Variants in LRPAP1 observed in about 807,000 individuals in gnomAD.
LRPAP1 encodes LDL receptor related protein associated protein 1, also known as alpha-2-macroglobulin receptor-associated protein.
LRPAP1 carries 41 observed loss-of-function variants against 39.9 expected under a neutral mutation model. The observed-to-expected ratio is 1.03, with a 90% confidence interval of 0.80 to 1.33. The LOEUF is 1.33. LRPAP1 is among the 40% of genes most tolerant of loss of function. The pLI is 0.00. For missense variants in LRPAP1, 565 were observed against 482.3 expected, an observed-to-expected ratio of 1.17 and a Z score of -1.61; for synonymous variants, 263 against 212.7, an observed-to-expected ratio of 1.24 and a Z score of -2.06.
At position 3,522,641 on chromosome 4, in the gene LRPAP1, C is replaced by T. The variant is rs544097471; in HGVS notation, c.349+2266G>A. Among the ~76,000 whole-genome samples, 107 of 124,474 alleles carry T rather than the reference C, an allele frequency of 8.6e-4. 8 individuals are homozygous for T. The highest frequency in any genetic ancestry group is 3.2e-3 in the African/African-American group (105 of 32,714). 81.7% of individuals were successfully genotyped at this position (124,474 alleles called of 152,430 possible). On this transcript the variant is annotated intron_variant, in intron 2 of 7. Coordinates refer to ENST00000650182, the MANE Select transcript of LRPAP1 (RefSeq NM_002337.4). ...TGGGGAGGACAGACGCCGCCCCACA[C>T]CCCCTGCCTGGGGAGGACGGACGCC...
intron 2 of LRPAP1, among the ~76,000 whole-genome samples, chr4:3,520,762 A>C (rs890269224): frequency 9.9e-5 from 15 of 152,248 alleles, no homozygotes; most frequent in Non-Finnish European, 7.3e-5. Context: ...AGCTTCTAAC[A>C]AAAAGTTACT....
intron 6 of LRPAP1, among the ~76,000 whole-genome samples, chr4:3,515,707 C>T (rs899904502): frequency 6.6e-4 from 101 of 152,264 alleles, no homozygotes; most frequent in African/African-American, 2.3e-3. Flanking sequence ...GCCCCAGGAG[C>T]CCCTGCCACC....
At chr4:3,519,130 C>A in intron 3 of LRPAP1, 139 bp from the exon 4 acceptor site, 2 of 1,414,202 alleles carry the variant, frequency 1.4e-6, no homozygotes, top group South Asian at 1.5e-5. Flanking sequence ...TCACGAAGGG[C>A]AGGAAAACAA....
At chr4:3,518,747 C>A (rs1185089824) in intron 4 of LRPAP1, 124 bp downstream of exon 4, 5 of 651,736 alleles carry the variant, frequency 7.7e-6, no homozygotes, top group Non-Finnish European at 1.3e-5. Context: ...CGCCTCCCTG[C>A]CCCTGCTGTG....
At chr4:3,515,575 G>T (rs978535961) in intron 6 of LRPAP1, among the ~76,000 whole-genome samples, 2 of 152,116 alleles carry the variant, frequency 1.3e-5, no homozygotes, top group South Asian at 2.1e-4. Flanking sequence ...ACTCATGGCC[G>T]GATACCATAC....
chr4:3,525,320 G>A (rs1461672646), intron 1 of LRPAP1, among the ~76,000 whole-genome samples: 2 of 152,146 alleles, frequency 1.3e-5, no homozygotes, highest in African/African-American at 2.4e-5. Flanking sequence ...ATTCCTGTCC[G>A]GCTGTAACAG....
intron 5 of LRPAP1, chr4:3,517,822 G>A (rs2108689467): frequency 3.9e-6 from 2 of 512,256 alleles, no homozygotes; most frequent in East Asian, 7.0e-5. Flanking sequence ...CTAGTCTCCA[G>A]GTACAAGGCT....
At position 3,506,791 on chromosome 4, in the gene LRPAP1, G is replaced by C. The variant is rs752861878; in HGVS notation, c.*6183C>G. ...ACGGAAAAATAAAAAATAAAAATTAGATTTCATCAAACTGGAAACCTTTGC... is the reference window on the plus strand; with the variant it reads ...ACGGAAAAATAAAAAATAAAAATTACATTTCATCAAACTGGAAACCTTTGC... On this transcript the variant is annotated 3_prime_UTR_variant, in exon 8 of 8. Coordinates refer to ENST00000650182, the MANE Select transcript of LRPAP1 (RefSeq NM_002337.4). 1.6e-4 allele frequency: 25 copies of C among 152,208 alleles called. No individual in the cohort carries two copies. Among genetic ancestry groups the C allele is most frequent in the Non-Finnish European group, 2.9e-4 (20 of 68,044 alleles). The allele number at this position is 152,208 out of a possible 1,614,324, so 9.4% of individuals were successfully genotyped here.
At chr4:3,518,339 C>T (rs969271111) in intron 4 of LRPAP1, 147 bp from the exon 5 acceptor site, 17 of 857,420 alleles carry the variant, frequency 2.0e-5, no homozygotes, top group Non-Finnish European at 2.4e-5. Context: ...CCTGCAGCGC[C>T]GCAGAAACGA....
intron 1 of LRPAP1, 97 bp downstream of exon 1, chr4:3,532,094 CACAGGTGCCCCGGCTGCG>C: frequency 8.4e-7 from 1 of 1,195,546 alleles, no homozygotes. Context: ...GCGCGTAGGG[CACAGGTGCCCCGGCTGCG>C]CCCCCCTCCG....
rs575551397 is a variant in LRPAP1 at position 3,512,652 on chromosome 4, T to G, written c.*322A>C. On this transcript the variant is annotated 3_prime_UTR_variant, in exon 8 of 8. Transcript: ENST00000650182. ...TGTGTAAGATTTTTTATGTAAATCG[T>G]GTTGTTTTAGCAGAGGACTATCAGA... The G allele has an allele frequency of 5.9e-6, 2 of 337,956 alleles. No individual in the cohort carries two copies. Among genetic ancestry groups the G allele is most frequent in the Non-Finnish European group, 1.1e-5 (2 of 183,972 alleles). The allele number at this position is 337,956 out of a possible 1,614,324, so 20.9% of individuals were successfully genotyped here.
intron 3 of LRPAP1, among the ~76,000 whole-genome samples, chr4:3,519,226 G>A (rs1729831292): frequency 6.6e-6 from 1 of 152,242 alleles, no homozygotes; most frequent in Non-Finnish European, 1.5e-5. Context: ...TACCGAGCTG[G>A]CTGGGGTGGG....
At chr4:3,514,683 T>C in intron 7 of LRPAP1, 69 bp downstream of exon 7, 1 of 1,521,446 alleles carries the variant, frequency 6.6e-7, no homozygotes, top group Non-Finnish European at 8.8e-7. Context: ...AGCCCTGAGC[T>C]GCATGTGGGC....
rs1729579507 is a variant in LRPAP1, at chr4:3,513,002, A to T, written c.1046T>A (p.Ile349Asn). 1 of 1,612,740 alleles carries T rather than the reference A, an allele frequency of 6.2e-7. No homozygotes were observed. Among genetic ancestry groups the T allele is most frequent in the Non-Finnish European group, 8.5e-7 (1 of 1,179,506 alleles). Residue 349 changes from isoleucine to asparagine, a missense_variant, in exon 8 of 8, where the codon ATC (isoleucine) becomes AAC (asparagine). Coordinates refer to ENST00000650182, the MANE Select transcript of LRPAP1 (RefSeq NM_002337.4). ...GAGTTCGTTGTGCCGAGCTCTGGAGATCCTGCCGGACAGGTCCTGCAGATG... is the reference window on the plus strand; with the variant it reads ...GAGTTCGTTGTGCCGAGCTCTGGAGTTCCTGCCGGACAGGTCCTGCAGATG... ...KKHLQDLSGR[I>N]SRARHNEL is the part of the protein sequence containing the mutation.
In LRPAP1 at chr4:3,512,067, G is replaced by A. The variant is rs953981368; in HGVS notation, c.*907C>T. On this transcript the variant is annotated 3_prime_UTR_variant, in exon 8 of 8. Transcript: ENST00000650182. ...GGGAACCACGCTCGGAGCCGGACCCGAGCCTCTTCCAGGCTCAGACACGGG... is the reference window on the plus strand; with the variant it reads ...GGGAACCACGCTCGGAGCCGGACCCAAGCCTCTTCCAGGCTCAGACACGGG... 17 of 143,108 alleles carry A rather than the reference G, an allele frequency of 1.2e-4. 1 individual carries two copies. The highest frequency in any genetic ancestry group is 3.9e-4 in the African/African-American group (15 of 38,258). The allele number at this position is 143,108 out of a possible 1,614,324, so 8.9% of individuals were successfully genotyped here. A position where few individuals can be genotyped will look rare whatever the true frequency, so the allele number is the denominator to read the frequency against.
chr4:3,516,216 G>C lies in LRPAP1; in HGVS notation c.752-18C>G, dbSNP rs1225352858. ...CTCGAACTCTGCAGGGGAGGAGCAA[G>C]AGTGGCCTCAGCAGCACCCGGGGTG... On this transcript the variant is annotated intron_variant, in intron 5 of 7. Transcript: ENST00000650182. The C allele has an allele frequency of 3.9e-6, 6 of 1,555,556 alleles. No homozygotes were observed. The highest frequency in any genetic ancestry group is 5.2e-6 in the Non-Finnish European group (6 of 1,148,564).
chr4:3,505,588 C>A lies in LRPAP1; in HGVS notation c.*7386G>T, dbSNP rs1370857034. On this transcript the variant is annotated 3_prime_UTR_variant, in exon 8 of 8. Transcript: ENST00000650182. The stretch of plus-strand genomic sequence containing the variant: ...TGAGGTGCGCTTCCAGCTGCACCAG[C>A]AGCCCACACGCCTCCTGAGCACCAC... Among the ~76,000 whole-genome samples the A allele has an allele frequency of 6.6e-6, 1 of 152,322 alleles. No individual in the cohort carries two copies. The highest frequency in any genetic ancestry group is 1.9e-4 in the East Asian group (1 of 5,174).
rs529342669 is a variant in LRPAP1, at chr4:3,532,216, G to A, written c.197C>T (p.Ala66Val). 1.9e-6 allele frequency: 3 copies of A among 1,550,052 alleles called. No homozygotes were observed. The highest frequency in any genetic ancestry group is 1.4e-5 in the African/African-American group (1 of 73,032). The change falls in exon 1 of 8, where the codon GCC becomes GTC. Residue 66 changes from alanine (A) to valine (V), a missense_variant. Physicochemically the swap from Ala to Val is moderately conservative, Grantham distance 64. Transcript: ENST00000650182. ...MEKLNQLWEK[A>V]QRLHLPPVRL... is the part of the protein sequence containing the mutation. Reference sequence around the variant, plus strand: ...ACCGCGGGCCGCGCTCACTCGCTGGGCCTTCTCCCACAGCTGGTTCAACTT... The same window carrying A: ...ACCGCGGGCCGCGCTCACTCGCTGGACCTTCTCCCACAGCTGGTTCAACTT...
In LRPAP1 at chr4:3,510,289, T is replaced by A. The variant is rs1486787604; in HGVS notation, c.*2685A>T. 1 of 151,866 alleles carries A rather than the reference T, an allele frequency of 6.6e-6. No individual in the cohort carries two copies. The highest frequency in any genetic ancestry group is 6.6e-5 in the Admixed American group (1 of 15,266). The allele number at this position is 151,866 out of a possible 1,614,324, so 9.4% of individuals were successfully genotyped here. A position where few individuals can be genotyped will look rare whatever the true frequency, so the allele number is the denominator to read the frequency against. On this transcript the variant is annotated 3_prime_UTR_variant, in exon 8 of 8. Transcript: ENST00000650182. ...ACAAAAAAAATAAAAATAAAAAAAA[T>A]AAAATCAGCCGGGTGTGGTGACACA...
Sources: gnomAD v4.1 joint callset for allele counts (sites outside exome capture counted in the v4.1 genomes callset) on GRCh38, gnomAD v4.1.1 for gene constraint, MANE v1.5 for transcripts, NCBI Gene and HGNC (gene_info 2026-07-23, HGNC 2026-07-21) for gene names.